Variants in KCNQ3 observed in about 807,000 individuals in gnomAD.
KCNQ3 encodes potassium voltage-gated channel subfamily KQT member 3.
A neutral mutation model predicts 92.5 loss-of-function variants in KCNQ3; 30 were observed. That is an observed-to-expected ratio of 0.32 (90% CI 0.24 to 0.44). KCNQ3 has a LOEUF of 0.44. Ranked by LOEUF, KCNQ3 falls within the 20% of genes least tolerant of loss-of-function variation. KCNQ3 has a pLI of 1.00. For synonymous variants in KCNQ3, 450 were observed against 468.8 expected (o/e 0.96, Z 0.52); for missense variants, 913 against 1,140.3 (o/e 0.80, Z 2.87).
chr8:132,234,046 T>G (rs1394642294), intron 1 of KCNQ3, among the ~76,000 whole-genome samples: 1 of 152,208 alleles, frequency 6.6e-6, no homozygotes, highest in East Asian at 1.9e-4. Context: ...AGGCGTAAAC[T>G]AGAACATACC....
chr8:132,254,636 C>T (rs73358935), intron 1 of KCNQ3, among the ~76,000 whole-genome samples: 4,608 of 152,210 alleles, frequency 0.03, 269 homozygotes, highest in African/African-American at 0.11. Flanking sequence ...AATCTCGGTA[C>T]GTTGAGAGGC....
chr8:132,469,367 G>T (rs930960980), intron 1 of KCNQ3, among the ~76,000 whole-genome samples: 3 of 152,110 alleles, frequency 2.0e-5, no homozygotes. Flanking sequence ...TGCCACTCAC[G>T]CTCTCTCACA....
At chr8:132,318,025 C>G (rs1037965591) in intron 1 of KCNQ3, among the ~76,000 whole-genome samples, 1 of 152,204 alleles carries the variant, frequency 6.6e-6, no homozygotes, top group African/African-American at 2.4e-5. Flanking sequence ...TCCACCCAGG[C>G]ATCTGAGCAG....
intron 9 of KCNQ3, among the ~76,000 whole-genome samples, chr8:132,148,288 C>T (rs541424525): frequency 6.6e-6 from 1 of 151,892 alleles, no homozygotes; most frequent in East Asian, 1.9e-4. Context: ...CTTGCTCTGT[C>T]GCCCAGGCTA....
chr8:132,431,646 C>G (rs1244072508), intron 1 of KCNQ3, among the ~76,000 whole-genome samples: 1 of 152,222 alleles, frequency 6.6e-6, no homozygotes, highest in Non-Finnish European at 1.5e-5. Flanking sequence ...GTGGTCCTTA[C>G]CAGGTGGCTC....
At chr8:132,228,309 CA>C (rs1471498252) in intron 1 of KCNQ3, among the ~76,000 whole-genome samples, 1 of 152,038 alleles carries the variant, frequency 6.6e-6, no homozygotes, top group Non-Finnish European at 1.5e-5. Context: ...GACAGAAAGG[CA>C]CTGTATTACA....
intron 1 of KCNQ3, among the ~76,000 whole-genome samples, chr8:132,383,628 G>T (rs1819813860): frequency 6.6e-6 from 1 of 152,216 alleles, no homozygotes; most frequent in Non-Finnish European, 1.5e-5. Context: ...GGGACAGACA[G>T]GACTGTGCTT....
intron 1 of KCNQ3, among the ~76,000 whole-genome samples, chr8:132,230,449 CAGAG>C (rs5895132): frequency 0.4 from 57,274 of 142,172 alleles, 10,911 homozygotes; most frequent in South Asian, 0.48. Flanking sequence ...GAGAGAGAGA[CAGAG>C]AGAGAGAGAG....
intron 6 of KCNQ3, among the ~76,000 whole-genome samples, chr8:132,173,603 G>A (rs1053019142): frequency 1.3e-5 from 2 of 152,110 alleles, no homozygotes; most frequent in African/African-American, 2.4e-5. Flanking sequence ...AACAGCACCC[G>A]ACCCATAATG....
chr8:132,176,790 G>A (rs767980140), intron 4 of KCNQ3, among the ~76,000 whole-genome samples: 1 of 152,222 alleles, frequency 6.6e-6, no homozygotes, highest in Non-Finnish European at 1.5e-5. Context: ...TTCAGCTGTG[G>A]TTCCTTTATT....
chr8:132,349,931 A>T (rs550359112), intron 1 of KCNQ3, among the ~76,000 whole-genome samples: 62 of 152,254 alleles, frequency 4.1e-4, no homozygotes, highest in Non-Finnish European at 7.8e-4. Flanking sequence ...GCTGAAGGCT[A>T]CACCACTAGT....
chr8:132,174,212 G>T, intron 6 of KCNQ3, 27 bp downstream of exon 6: 1 of 1,487,876 alleles, frequency 6.7e-7, no homozygotes, highest in Non-Finnish European at 9.2e-7. Context: ...CGTCACATTG[G>T]GGATGTCATA....
chr8:132,246,832 TATCA>T (rs1263365946), intron 1 of KCNQ3, among the ~76,000 whole-genome samples: 11 of 152,222 alleles, frequency 7.2e-5, no homozygotes, highest in African/African-American at 2.7e-4. Flanking sequence ...TTGTATGGAC[TATCA>T]GCACCATGCA....
intron 1 of KCNQ3, among the ~76,000 whole-genome samples, chr8:132,434,463 G>C (rs182302536): frequency 1.5e-3 from 225 of 152,232 alleles, no homozygotes; most frequent in African/African-American, 4.1e-3. Flanking sequence ...TCTATTCCAA[G>C]CACCTAGAAC....
intron 1 of KCNQ3, among the ~76,000 whole-genome samples, chr8:132,296,541 C>T (rs1445159643): frequency 6.6e-6 from 1 of 151,496 alleles, no homozygotes; most frequent in African/African-American, 2.4e-5. Flanking sequence ...CCTCCCCACT[C>T]CCCCCACCCC....
chr8:132,212,026 T>C (rs762201783), intron 1 of KCNQ3, among the ~76,000 whole-genome samples: 8 of 151,986 alleles, frequency 5.3e-5, no homozygotes, highest in Middle Eastern at 3.4e-3. Context: ...TTGGTAGAGC[T>C]GGCCTTCACC....
At chr8:132,206,956 C>T (rs998778292) in intron 1 of KCNQ3, among the ~76,000 whole-genome samples, 2 of 152,110 alleles carry the variant, frequency 1.3e-5, no homozygotes, top group African/African-American at 2.4e-5. Context: ...AAAGCATAAA[C>T]AGTCTTCCAC....
intron 1 of KCNQ3, among the ~76,000 whole-genome samples, chr8:132,373,010 A>C (rs1176523094): frequency 6.6e-6 from 1 of 152,108 alleles, no homozygotes; most frequent in African/African-American, 2.4e-5. Context: ...AGATAATAGA[A>C]TCTCACAGAA....
chr8:132,434,207 CAAAA>C (rs546958236), intron 1 of KCNQ3, among the ~76,000 whole-genome samples: 24 of 130,746 alleles, frequency 1.8e-4, no homozygotes, highest in Admixed American at 3.1e-4. Context: ...GACTCCGTCT[CAAAA>C]AAAAAAAAAA....
Sources: allele counts gnomAD v4.1 joint callset (sites outside exome capture counted in the v4.1 genomes callset), GRCh38; gene constraint gnomAD v4.1.1; transcripts MANE v1.5; gene names NCBI Gene and HGNC (gene_info 2026-07-23, HGNC 2026-07-21).